BBOX1: variants seen among roughly 807,000 people sequenced by gnomAD.
BBOX1 encodes gamma-butyrobetaine hydroxylase 1, also known as gamma-butyrobetaine dioxygenase.
BBOX1 carries 35 observed loss-of-function variants against 41.6 expected under a neutral mutation model. That is an observed-to-expected ratio of 0.84 (90% CI 0.64 to 1.11). The LOEUF (loss-of-function observed/expected upper bound fraction) is 1.11. Ranked by LOEUF, BBOX1 falls within the 50% of genes most tolerant of loss-of-function variation. BBOX1 has a pLI of 0.00. For missense variants in BBOX1, 458 were observed against 460.6 expected, an observed-to-expected ratio of 0.99 and a Z score of 0.05; for synonymous variants, 163 against 154.7, an observed-to-expected ratio of 1.05 and a Z score of -0.40.
intron 4 of BBOX1, among the ~76,000 whole-genome samples, chr11:27,083,854 C>T (rs897783322): frequency 6.6e-6 from 1 of 152,060 alleles, no homozygotes; most frequent in Non-Finnish European, 1.5e-5. Context: ...TTCAACATAA[C>T]ATAATGAGGA....
intron 4 of BBOX1, among the ~76,000 whole-genome samples, chr11:27,083,532 GAC>G (rs1448071705): frequency 6.6e-6 from 1 of 151,946 alleles, no homozygotes; most frequent in Non-Finnish European, 1.5e-5. Flanking sequence ...CTCTTTGCAT[GAC>G]AGTCTTCTCT....
At chr11:27,075,110 A>T (rs1310913776) in intron 4 of BBOX1, among the ~76,000 whole-genome samples, 15 of 152,044 alleles carry the variant, frequency 9.9e-5, no homozygotes, top group Admixed American at 9.8e-4. Context: ...TCTTTTAATT[A>T]TTGTTGACTT....
intron 5 of BBOX1, 125 bp from the exon 6 acceptor site, chr11:27,115,327 T>G (rs1336163537): frequency 4.2e-6 from 3 of 705,934 alleles, no homozygotes; most frequent in Non-Finnish European, 6.8e-6. Flanking sequence ...TCACTCATAG[T>G]CATTATGGTA....
intron 2 of BBOX1, among the ~76,000 whole-genome samples, chr11:27,044,294 T>C (rs1343071474): frequency 6.6e-6 from 1 of 152,156 alleles, no homozygotes; most frequent in Non-Finnish European, 1.5e-5. Flanking sequence ...GGGTTTTTTT[T>C]TCTTGTAAAT....
In BBOX1 at chr11:27,093,087, A is replaced by G; in HGVS notation, c.335-81A>G. 7.5e-6 allele frequency: 10 copies of G among 1,330,784 alleles called. No individual in the cohort carries two copies. The South Asian group carries it at 9.2e-5, about 12-fold the overall frequency. The allele number at this position is 1,330,784 out of a possible 1,614,324, so 82.4% of individuals were successfully genotyped here. On this transcript the variant is annotated intron_variant, in intron 4 of 8. Coordinates refer to ENST00000263182, the MANE Select transcript of BBOX1 (RefSeq NM_003986.3). ...TATAAATCAACAATCAACTTTAATG[A>G]ACTAGCCCCTTCTCTGAGGTTATCG...
chr11:27,095,920 C>G (rs1564977917), intron 5 of BBOX1, among the ~76,000 whole-genome samples: 1 of 151,996 alleles, frequency 6.6e-6, no homozygotes, highest in African/African-American at 2.4e-5. Context: ...TGGTTTTCAA[C>G]CTAAGCTGCT....
chr11:27,101,986 C>T (rs540273070), intron 5 of BBOX1, among the ~76,000 whole-genome samples: 196 of 152,118 alleles, frequency 1.3e-3, no homozygotes, highest in African/African-American at 4.5e-3. Context: ...TGACAAGTAT[C>T]TCCCCTTTTC....
chr11:27,068,226 G>A (rs1282040583), intron 4 of BBOX1, among the ~76,000 whole-genome samples: 4 of 152,014 alleles, frequency 2.6e-5, no homozygotes, highest in Non-Finnish European at 5.9e-5. Context: ...CCACATCCAT[G>A]CAAATATCTG....
At chr11:27,043,534 CTTTA>C (rs1851405023) in intron 2 of BBOX1, among the ~76,000 whole-genome samples, 1 of 149,452 alleles carries the variant, frequency 6.7e-6, no homozygotes, top group Non-Finnish European at 1.5e-5. Context: ...ATTGAATACC[CTTTA>C]TTTCTTTCTC....
intron 2 of BBOX1, among the ~76,000 whole-genome samples, chr11:27,048,692 A>G (rs2133947578): frequency 6.6e-6 from 1 of 151,490 alleles, no homozygotes; most frequent in East Asian, 1.9e-4. Flanking sequence ...TCATTGACAT[A>G]CTGATTTCAT....
At chr11:27,115,334 G>A (rs1468158861) in intron 5 of BBOX1, 118 bp from the exon 6 acceptor site, 14 of 744,178 alleles carry the variant, frequency 1.9e-5, no homozygotes, top group Middle Eastern at 2.5e-4. Flanking sequence ...TAGTCATTAT[G>A]GTAATTATTT....
chr11:27,051,087 A>C (rs1450838858), intron 2 of BBOX1, among the ~76,000 whole-genome samples: 2 of 152,102 alleles, frequency 1.3e-5, no homozygotes, highest in Admixed American at 1.3e-4. Context: ...ATCTATTGAA[A>C]TGTCCACCTA....
At chr11:27,116,604 G>T (rs1190910520) in intron 6 of BBOX1, among the ~76,000 whole-genome samples, 2 of 151,824 alleles carry the variant, frequency 1.3e-5, no homozygotes, top group South Asian at 2.1e-4. Flanking sequence ...ACCTGCAATT[G>T]GTTGCTAAGT....
Position 27,127,366 on chromosome 11 carries a change from C to T in BBOX1, c.1077C>T (p.Ser359=), listed in dbSNP as rs1358467711. The T allele has an allele frequency of 1.9e-6, 3 of 1,614,100 alleles. No homozygotes were observed. The Admixed American group carries it at 5.0e-5, about 27-fold the overall frequency. ...GCTATGAAGCAGGAACTGAGATATCCCGCCATCTAGAAGGAGCTTATGCTG... is the reference window on the plus strand; with the variant it reads ...GCTATGAAGCAGGAACTGAGATATCTCGCCATCTAGAAGGAGCTTATGCTG... ...RRSYEAGTEI[S]RHLEGAYADW... The change falls in exon 9 of 9, where the codon TCC becomes TCT. Residue 359 remains serine, a synonymous_variant. Transcript: ENST00000263182.
intron 5 of BBOX1, among the ~76,000 whole-genome samples, chr11:27,107,838 T>G (rs1249222134): frequency 6.6e-6 from 1 of 152,120 alleles, no homozygotes; most frequent in African/African-American, 2.4e-5. Context: ...CTGCTGTGTT[T>G]TCTTGGAGAG....
At chr11:27,052,334 T>C (rs1431028066) in intron 2 of BBOX1, among the ~76,000 whole-genome samples, 14 of 152,104 alleles carry the variant, frequency 9.2e-5, no homozygotes, top group Non-Finnish European at 5.9e-5. Context: ...AACAGCTCCA[T>C]ACAATGTATC....
chr11:27,125,577 T>C (rs2304913), intron 7 of BBOX1, 77 bp from the exon 8 acceptor site: 47,431 of 1,214,414 alleles, frequency 0.039, 1,173 homozygotes, highest in South Asian at 0.099. Context: ...AAAATATATT[T>C]GAAGAGGAAT....
chr11:27,069,668 T>A (rs1857385642), intron 4 of BBOX1, among the ~76,000 whole-genome samples: 1 of 152,122 alleles, frequency 6.6e-6, no homozygotes, highest in African/African-American at 2.4e-5. Flanking sequence ...GAACTGGAAC[T>A]TTTAATTTTT....
intron 4 of BBOX1, among the ~76,000 whole-genome samples, chr11:27,070,126 G>A (rs113123193): frequency 1.7e-4 from 26 of 152,178 alleles, no homozygotes; most frequent in African/African-American, 6.3e-4. Context: ...TGTTCTGAGA[G>A]GGTACTTGAT....
Sources: allele counts gnomAD v4.1 joint callset (sites outside exome capture counted in the v4.1 genomes callset), GRCh38; gene constraint gnomAD v4.1.1; transcripts MANE v1.5; gene names NCBI Gene and HGNC (gene_info 2026-07-23, HGNC 2026-07-21).